PLD5: variants seen among roughly 807,000 people sequenced by gnomAD.
PLD5 encodes inactive phospholipase D5.
A neutral mutation model predicts 61.1 loss-of-function variants in PLD5; 36 were observed. The ratio of observed to expected loss-of-function variants is 0.59; its 90% CI spans 0.45 to 0.78. PLD5 has a LOEUF of 0.78. PLD5 is among the 30% of genes least tolerant of loss of function. The pLI, the probability that PLD5 is intolerant of heterozygous loss-of-function variation, is 0.00. For missense variants in PLD5, 515 were observed against 644.4 expected, an observed-to-expected ratio of 0.80 and a Z score of 2.17; for synonymous variants, 243 against 242.8, an observed-to-expected ratio of 1.00 and a Z score of -0.01.
chr1:242,343,672 A>G (rs1659966662), intron 2 of PLD5, among the ~76,000 whole-genome samples: 1 of 151,700 alleles, frequency 6.6e-6, no homozygotes, highest in Non-Finnish European at 1.5e-5. Context: ...CTGCAGACTT[A>G]TGAGGGCCTG....
chr1:242,266,176 G>A (rs1329278924), intron 3 of PLD5, among the ~76,000 whole-genome samples: 3 of 152,168 alleles, frequency 2.0e-5, no homozygotes, highest in Non-Finnish European at 4.4e-5. Context: ...AAGAGTCTGA[G>A]ACCAGTCCAG....
At chr1:242,157,026 A>G (rs755627718) in intron 5 of PLD5, among the ~76,000 whole-genome samples, 43 of 152,076 alleles carry the variant, frequency 2.8e-4, no homozygotes, top group Non-Finnish European at 5.6e-4. Context: ...ACATAGTTCC[A>G]TATTTCTTGG....
At chr1:242,251,557 GC>G (rs1280248863) in intron 4 of PLD5, among the ~76,000 whole-genome samples, 1 of 152,136 alleles carries the variant, frequency 6.6e-6, no homozygotes, top group Non-Finnish European at 1.5e-5. Context: ...TCAGGGCAGA[GC>G]CGGGCTGCCG....
intron 2 of PLD5, among the ~76,000 whole-genome samples, chr1:242,322,617 A>G (rs372633528): frequency 1.3e-5 from 2 of 152,212 alleles, no homozygotes. Context: ...TGACTGGATC[A>G]TGGGGGTGGA....
intron 4 of PLD5, among the ~76,000 whole-genome samples, chr1:242,261,441 G>T (rs1322734471): frequency 6.6e-6 from 1 of 152,024 alleles, no homozygotes; most frequent in Non-Finnish European, 1.5e-5. Context: ...ACCTTGTGAT[G>T]ATAAATAGTT....
In PLD5 at chr1:242,396,099, T is replaced by C. The variant is rs1222255969; in HGVS notation, c.190-47857A>G. 3.3e-5 allele frequency among the ~76,000 whole-genome samples: 5 copies of C among 152,066 alleles called. No individual in the cohort carries two copies. The East Asian group carries it at 9.6e-4, about 29-fold the overall frequency. Reference sequence around the variant, plus strand: ...AGTTTCATATGATGCAACCTAACAGTTCCTTATGACTGGAGACAAAGGTGT... The same window carrying C: ...AGTTTCATATGATGCAACCTAACAGCTCCTTATGACTGGAGACAAAGGTGT... On this transcript the variant is annotated intron_variant, in intron 1 of 9. Transcript: ENST00000536534.
intron 1 of PLD5, among the ~76,000 whole-genome samples, chr1:242,437,484 G>A (rs545643122): frequency 2.6e-5 from 4 of 152,230 alleles, no homozygotes; most frequent in African/African-American, 9.6e-5. Context: ...ATCACCTGAG[G>A]TCAGGAGTTC....
At chr1:242,408,946 A>G (rs111342668) in intron 1 of PLD5, among the ~76,000 whole-genome samples, 30 of 152,212 alleles carry the variant, frequency 2.0e-4, no homozygotes, top group African/African-American at 7.2e-4. Flanking sequence ...AGGTGCCTGT[A>G]ATCCCAGCTA....
intron 5 of PLD5, among the ~76,000 whole-genome samples, chr1:242,185,691 G>C (rs1350062153): frequency 1.3e-5 from 2 of 151,822 alleles, no homozygotes; most frequent in East Asian, 1.9e-4. Context: ...AACTTTAATG[G>C]GTCTCCCTTT....
chr1:242,435,513 CAT>C (rs1665951155), intron 1 of PLD5, among the ~76,000 whole-genome samples: 1 of 152,148 alleles, frequency 6.6e-6, no homozygotes, highest in Non-Finnish European at 1.5e-5. Context: ...ATGGAGAAAA[CAT>C]GTGTTTTAGA....
At chr1:242,158,657 C>A (rs1306072291) in intron 5 of PLD5, among the ~76,000 whole-genome samples, 2 of 152,142 alleles carry the variant, frequency 1.3e-5, no homozygotes, top group African/African-American at 4.8e-5. Context: ...ACTGTCCAAC[C>A]AATCCCAGTG....
Position 242,168,625 on chromosome 1 carries a change from C to T in PLD5, c.736-43960G>A, listed in dbSNP as rs149959048. 6.4e-4 allele frequency among the ~76,000 whole-genome samples: 98 copies of T among 152,246 alleles called. 1 individual carries two copies. The East Asian group carries it at 0.018, about 28-fold the overall frequency. Reference sequence around the variant, plus strand: ...AGGTACCAATATATTTTGAGTACCACTGATGATATGCAAACCAAGCTTGTT... The same window carrying T: ...AGGTACCAATATATTTTGAGTACCATTGATGATATGCAAACCAAGCTTGTT... On this transcript the variant is annotated intron_variant, in intron 5 of 9. Transcript: ENST00000536534.
intron 1 of PLD5, among the ~76,000 whole-genome samples, chr1:242,379,470 A>C (rs1662160323): frequency 6.6e-6 from 1 of 152,190 alleles, no homozygotes; most frequent in Admixed American, 6.5e-5. Flanking sequence ...AGATCTAAGG[A>C]AGAAGGGAAA....
rs58312459 is a variant in PLD5 at position 242,132,192 on chromosome 1, CGGGGG to C, written c.736-7532_736-7528del. Among the ~76,000 whole-genome samples, 5 of 21,082 alleles carry C rather than the reference CGGGGG, an allele frequency of 2.4e-4. 1 individual carries two copies. Among genetic ancestry groups the C allele is most frequent in the South Asian group, 1.0e-3 (1 of 970 alleles). 13.8% of individuals were successfully genotyped at this position (21,082 alleles called of 152,430 possible). A position where few individuals can be genotyped will look rare whatever the true frequency, so the allele number is the denominator to read the frequency against. On this transcript the variant is annotated intron_variant, in intron 5 of 9. Coordinates refer to ENST00000536534, the MANE Select transcript of PLD5 (RefSeq NM_001372062.1). ...GTCATCAAAGAGAATGCAGTGATTG[CGGGGG>C]GGGGGGGGGGCGGAATCATTTTTAG...
chr1:242,465,079 A>C (rs182237119), intron 1 of PLD5, among the ~76,000 whole-genome samples: 1 of 152,048 alleles, frequency 6.6e-6, no homozygotes, highest in Middle Eastern at 3.4e-3. Context: ...AATAGAAGTG[A>C]TCACATCATC....
At chr1:242,394,907 AAT>A (rs1558527595) in intron 1 of PLD5, among the ~76,000 whole-genome samples, 1 of 129,102 alleles carries the variant, frequency 7.7e-6, no homozygotes, top group African/African-American at 3.1e-5. Context: ...ATTATATATG[AAT>A]ATATATGTAT....
intron 6 of PLD5, among the ~76,000 whole-genome samples, chr1:242,117,222 C>T (rs373772962): frequency 1.3e-5 from 2 of 152,242 alleles, no homozygotes; most frequent in African/African-American, 4.8e-5. Context: ...TCTGTGACCC[C>T]AAATGCAAGT....
At chr1:242,512,773 A>T (rs989631873) in intron 1 of PLD5, among the ~76,000 whole-genome samples, 1 of 152,210 alleles carries the variant, frequency 6.6e-6, no homozygotes, top group African/African-American at 2.4e-5. Flanking sequence ...GCAGCCTTGT[A>T]TATTACCTTC....
chr1:242,417,394 ACCCTTT>A (rs1664890135), intron 1 of PLD5, among the ~76,000 whole-genome samples: 1 of 152,120 alleles, frequency 6.6e-6, no homozygotes, highest in African/African-American at 2.4e-5. Flanking sequence ...TGAAGTTACC[ACCCTTT>A]TCCATGGCAA....
Sources: allele counts gnomAD v4.1 joint callset (sites outside exome capture counted in the v4.1 genomes callset), GRCh38; gene constraint gnomAD v4.1.1; transcripts MANE v1.5; gene names NCBI Gene and HGNC (gene_info 2026-07-23, HGNC 2026-07-21).